NLRP1: variants seen among roughly 807,000 people sequenced by gnomAD.
NLRP1 encodes NLR family pyrin domain containing 1, also known as NACHT, LRR and PYD domains-containing protein 1.
A neutral mutation model predicts 136.7 loss-of-function variants in NLRP1; 94 were observed. The observed-to-expected ratio is 0.69, with a 90% CI of 0.58 to 0.82. The LOEUF (loss-of-function observed/expected upper bound fraction) is 0.82, where lower values mean the gene tolerates loss of function less well. NLRP1 is among the 40% of genes least tolerant of loss of function. The probability of loss-of-function intolerance (pLI) is 0.00; values close to 1 mark genes in which losing one functional copy is unlikely to be tolerated. For synonymous variants in NLRP1, 690 were observed against 725.1 expected, an observed-to-expected ratio of 0.95 and a Z score of 0.78; for missense variants, 1,575 against 1,802.7, an observed-to-expected ratio of 0.87 and a Z score of 2.29.
downstream of NLRP1, among the ~76,000 whole-genome samples, chr17:5,513,650 C>T (rs1489621424): frequency 1.3e-5 from 2 of 152,090 alleles, no homozygotes; most frequent in Non-Finnish European, 2.9e-5. Flanking sequence ...GATGATGGCC[C>T]CTGTTCAGCA....
At chr17:5,532,164 T>A (rs950709788) in intron 11 of NLRP1, among the ~76,000 whole-genome samples, 3 of 152,184 alleles carry the variant, frequency 2.0e-5, no homozygotes, top group African/African-American at 7.2e-5. Flanking sequence ...GGAGAATCGC[T>A]TGAACCTGGG....
At chr17:5,547,107 C>A (rs956337990) in intron 5 of NLRP1, among the ~76,000 whole-genome samples, 4 of 152,130 alleles carry the variant, frequency 2.6e-5, no homozygotes, top group Non-Finnish European at 4.4e-5. Flanking sequence ...AACTTAGGCA[C>A]TAAATACATA....
Position 5,584,076 on chromosome 17 carries a change from G to T in NLRP1, c.-119C>A. The T allele has an allele frequency of 2.0e-6, 2 of 1,003,312 alleles. No homozygotes were observed. The highest frequency in any genetic ancestry group is 1.7e-5 in the South Asian group (1 of 58,896). 62.2% of individuals were successfully genotyped at this position (1,003,312 alleles called of 1,614,324 possible). On this transcript the variant is annotated 5_prime_UTR_variant, in exon 1 of 17. Transcript: ENST00000572272. ...CTTACCGTCTCTTATTCAGCATTCG[G>T]AACCCAGTTTTATAAATCCCAGGGC...
At chr17:5,512,129 T>C, downstream of NLRP1, 1 of 836,804 alleles carries the variant, frequency 1.2e-6, no homozygotes, top group South Asian at 1.3e-5. Flanking sequence ...CTTATTCCCT[T>C]TGCCCACAGA....
Position 5,514,343 on chromosome 17 carries a change from C to A in NLRP1, c.*411G>T. Reference sequence around the variant, plus strand: ...TCTTGTAGATCTTCCTGTACAAAGCCAAGAATCCACGTGGCCTCCCACGCT... The same window carrying A: ...TCTTGTAGATCTTCCTGTACAAAGCAAAGAATCCACGTGGCCTCCCACGCT... On this transcript the variant is annotated 3_prime_UTR_variant, in exon 17 of 17. Transcript: ENST00000572272. The A allele has an allele frequency of 3.0e-6, 3 of 990,660 alleles. No individual in the cohort carries two copies. The highest frequency in any genetic ancestry group is 3.7e-6 in the Non-Finnish European group (3 of 815,550). 61.4% of individuals were successfully genotyped at this position (990,660 alleles called of 1,614,324 possible).
At chr17:5,508,934 A>G (rs1254975611) in intron 15 of NLRP1, among the ~76,000 whole-genome samples, 1 of 152,222 alleles carries the variant, frequency 6.6e-6, no homozygotes, top group African/African-American at 2.4e-5. Context: ...TTTCTGTGCA[A>G]CAAGGCCAAA....
chr17:5,547,141 T>G (rs35988870), intron 5 of NLRP1, among the ~76,000 whole-genome samples: 7,186 of 152,146 alleles, frequency 0.047, 198 homozygotes, highest in Middle Eastern at 0.085. Context: ...TAAATACACA[T>G]CATACATGAA....
intron 3 of NLRP1, among the ~76,000 whole-genome samples, chr17:5,572,000 A>T (rs1904413064): frequency 6.6e-6 from 1 of 152,218 alleles, no homozygotes; most frequent in African/African-American, 2.4e-5. Context: ...CAATGGGGAA[A>T]GCATTCCCTA....
At chr17:5,538,868 TTTTA>T (rs1208024997) in intron 7 of NLRP1, among the ~76,000 whole-genome samples, 2 of 151,400 alleles carry the variant, frequency 1.3e-5, no homozygotes, top group African/African-American at 4.8e-5. Context: ...CTTGTTTTTA[TTTTA>T]TTTGTTTAAT....
intron 6 of NLRP1, among the ~76,000 whole-genome samples, chr17:5,539,852 T>A (rs1313714304): frequency 6.6e-6 from 1 of 152,208 alleles, no homozygotes. Flanking sequence ...TCTGTCCACA[T>A]TGATGAGTAA....
intron 5 of NLRP1, among the ~76,000 whole-genome samples, chr17:5,551,749 T>C (rs371283823): frequency 2.4e-4 from 36 of 152,284 alleles, no homozygotes; most frequent in African/African-American, 8.7e-4. Context: ...TATCTTTTCT[T>C]TTTTTCATTA....
Position 5,578,526 on chromosome 17 carries a change from G to C in NLRP1, c.652+3333C>G, listed in dbSNP as rs1905246664. Among the ~76,000 whole-genome samples the C allele has an allele frequency of 3.3e-5, 5 of 152,318 alleles. 1 individual carries two copies. In the South Asian group the frequency reaches 1.0e-3, roughly 32 times the overall value. On this transcript the variant is annotated intron_variant, in intron 3 of 16. Transcript: ENST00000572272. ...TATGAAAAAATGCTCATCATCACTG[G>C]CCATTAGAGAAATGCAAATCAAAAC...
At position 5,520,929 on chromosome 17, in the gene NLRP1, A is replaced by G; in HGVS notation, c.3867T>C (p.Arg1289=). The G allele has an allele frequency of 1.2e-6, 2 of 1,612,260 alleles. No homozygotes were observed. Among genetic ancestry groups the G allele is most frequent in the Admixed American group, 1.7e-5 (1 of 59,752 alleles). Residue 1289 remains arginine (R), a synonymous_variant, in exon 14 of 17, where the codon CGT becomes CGC. Coordinates refer to ENST00000572272, the MANE Select transcript of NLRP1 (RefSeq NM_033004.4). ...CTGAACCAGACCCAGACACAGTGTA[A>G]CGACAGCCCATATAAAGTGGGGTCA... ...PPLTPLYMGC[R]YTVSGSGSGM...
At chr17:5,538,362 G>A (rs756185250) in intron 7 of NLRP1, among the ~76,000 whole-genome samples, 2 of 151,930 alleles carry the variant, frequency 1.3e-5, no homozygotes, top group South Asian at 2.1e-4. Flanking sequence ...TCAGTTCTCC[G>A]GGGCTCAAGT....
rs201975087 is a variant in NLRP1 at position 5,582,100 on chromosome 17, C to G, written c.449-38G>C. On this transcript the variant is annotated intron_variant, in intron 2 of 16. Coordinates refer to ENST00000572272, the MANE Select transcript of NLRP1 (RefSeq NM_033004.4). ...AAAAGAAAAATAACCATTTACTGAA[C>G]ATTTATTTTCTTTTAGGTGCATATA... 6 of 1,492,514 alleles carry G rather than the reference C, an allele frequency of 4.0e-6. No individual in the cohort carries two copies. In the South Asian group the frequency reaches 7.0e-5, roughly 18 times the overall value. The allele number at this position is 1,492,514 out of a possible 1,614,324, so 92.5% of individuals were successfully genotyped here. A position where few individuals can be genotyped will look rare whatever the true frequency, so the allele number is the denominator to read the frequency against.
chr17:5,509,201 C>G (rs900412087), downstream of NLRP1, among the ~76,000 whole-genome samples: 1 of 152,202 alleles, frequency 6.6e-6, no homozygotes, highest in African/African-American at 2.4e-5. Flanking sequence ...CTAGCCTTTC[C>G]TCTTCTTCTC....
downstream of NLRP1, among the ~76,000 whole-genome samples, chr17:5,511,629 C>G (rs962435002): frequency 5.9e-5 from 9 of 152,018 alleles, no homozygotes; most frequent in Non-Finnish European, 2.9e-5. Context: ...TGAGGACTTG[C>G]TGGGATGAGG....
intron 3 of NLRP1, among the ~76,000 whole-genome samples, chr17:5,562,550 C>A (rs956847196): frequency 1.1e-4 from 17 of 152,170 alleles, no homozygotes; most frequent in African/African-American, 3.4e-4. Context: ...GAGAAGGTCA[C>A]CCCCCTGTCC....
rs1311053612 is a variant in NLRP1, at chr17:5,571,811, A to C, written c.652+10048T>G. Among the ~76,000 whole-genome samples, 3 of 152,228 alleles carry C rather than the reference A, an allele frequency of 2.0e-5. No individual in the cohort carries two copies. The East Asian group carries it at 5.8e-4, about 29-fold the overall frequency. On this transcript the variant is annotated intron_variant, in intron 3 of 16. Transcript: ENST00000572272. ...CCAAAGCAATTCTAAGTAAAAAATA[A>C]CAAATCTGGAGGCATCACATTACCT...
Sources: allele counts gnomAD v4.1 joint callset (sites outside exome capture counted in the v4.1 genomes callset), GRCh38; gene constraint gnomAD v4.1.1; transcripts MANE v1.5; gene names NCBI Gene and HGNC (gene_info 2026-07-23, HGNC 2026-07-21).